Variants in ELF4 observed in about 807,000 individuals in gnomAD.
The protein encoded by ELF4 is ETS-related transcription factor Elf-4.
Under a neutral mutation model 31.7 loss-of-function variants are expected in ELF4, and 10 were observed. The observed-to-expected ratio is 0.32, with a 90% CI of 0.19 to 0.54. ELF4 has a LOEUF of 0.54. Ranked by LOEUF, ELF4 falls within the 20% of genes least tolerant of loss-of-function variation. ELF4 has a pLI of 0.95. For synonymous variants in ELF4, 208 were observed against 226.7 expected (o/e 0.92, Z 0.74); for missense variants, 418 against 522.0 (o/e 0.80, Z 1.94).
At position 130,067,129 on chromosome X, in the gene ELF4, A is replaced by G. The variant is rs750370606; in HGVS notation, c.1584T>C (p.Ser528=). 2.5e-6 allele frequency: 3 copies of G among 1,201,066 alleles called. No individual in the cohort carries two copies. The East Asian group carries it at 8.9e-5, about 36-fold the overall frequency. The change falls in exon 9 of 9, where the codon TCT becomes TCC. Residue 528 remains serine, a synonymous_variant. Transcript: ENST00000308167. ...GTVIAAFIRT[S]GTTAAPRVKE... ...TGACCCTAGGGGCTGCTGTAGTGCC[A>G]GAAGTCCTGATGAAGGCAGCAATGA...
intron 1 of ELF4, among the ~76,000 whole-genome samples, chrX:130,100,020 G>A (rs1055057520): frequency 1.8e-5 from 2 of 111,182 alleles, no homozygotes; most frequent in African/African-American, 3.3e-5. Flanking sequence ...GTCACCTGGT[G>A]GGGCCAACCA....
chrX:130,078,802 C>CACACAA, intron 2 of ELF4, among the ~76,000 whole-genome samples: 1 of 103,670 alleles, frequency 9.6e-6, no homozygotes, highest in East Asian at 3.2e-4. Context: ...CACACACACA[C>CACACAA]ACACAATTAG....
intron 1 of ELF4, among the ~76,000 whole-genome samples, chrX:130,090,507 C>A (rs1569407538): frequency 8.9e-6 from 1 of 112,140 alleles, no homozygotes; most frequent in East Asian, 2.8e-4. Flanking sequence ...GTCCCCCAGG[C>A]CTGACAGGCC....
rs911010607 is a variant in ELF4 at position 130,064,391 on chromosome X, T to A, written c.*2330A>T. Among the ~76,000 whole-genome samples, 1 of 111,805 alleles carries A rather than the reference T, an allele frequency of 8.9e-6. No individual in the cohort carries two copies. Among genetic ancestry groups the A allele is most frequent in the African/African-American group, 3.3e-5 (1 of 30,747 alleles). Reference sequence around the variant, plus strand: ...AGGCAGAGGTTGCAGTGAACCGAGATTGCACCACTGCACTCCAGCCGACAG... The same window carrying A: ...AGGCAGAGGTTGCAGTGAACCGAGAATGCACCACTGCACTCCAGCCGACAG... On this transcript the variant is annotated 3_prime_UTR_variant, in exon 9 of 9. Transcript: ENST00000308167.
At chrX:130,097,051 C>T (rs1015134715) in intron 1 of ELF4, among the ~76,000 whole-genome samples, 12 of 106,032 alleles carry the variant, frequency 1.1e-4, no homozygotes, top group African/African-American at 4.2e-4. Context: ...AATCCTAGCA[C>T]TTTGGGAGGC....
intron 2 of ELF4, among the ~76,000 whole-genome samples, chrX:130,079,806 G>C (rs751016062): frequency 8.9e-6 from 1 of 112,020 alleles, no homozygotes; most frequent in East Asian, 2.8e-4. Context: ...GAGTGGACTA[G>C]AAACAAATGG....
intron 1 of ELF4, among the ~76,000 whole-genome samples, chrX:130,091,283 T>C (rs934108568): frequency 2.7e-5 from 3 of 109,834 alleles, no homozygotes; most frequent in Non-Finnish European, 5.7e-5. Flanking sequence ...AAAAAATTAG[T>C]TGGGCATGGT....
chrX:130,093,527 G>A lies in ELF4; in HGVS notation c.-209-11988C>T, dbSNP rs956371731. ...CTGTTGCAAGGTGGGGTTCCTAGCC[G>A]TAGGGCTGTGTGCCTGTGAGGTTAT... On this transcript the variant is annotated intron_variant, in intron 1 of 8. Transcript: ENST00000308167. Among the ~76,000 whole-genome samples, 5 of 111,721 alleles carry A rather than the reference G, an allele frequency of 4.5e-5. No homozygotes were observed. In the East Asian group the frequency reaches 8.5e-4, roughly 19 times the overall value.
chrX:130,069,446 A>G lies in ELF4; in HGVS notation c.1041T>C (p.Ser347=). Residue 347 remains serine, a synonymous_variant, in exon 8 of 9, where the codon TCT becomes TCC. Transcript: ENST00000308167. ...RSAPQGKGSS[S]WEKPKIQHVG... is the part of the protein sequence containing the mutation. ...CATGCTGAATTTTTGGCTTCTCCCA[A>G]GAAGAGCTGCCCTTGCCCTGGGGGG... 1.6e-6 allele frequency: 2 copies of G among 1,212,253 alleles called. No individual in the cohort carries two copies. Among genetic ancestry groups the G allele is most frequent in the South Asian group, 1.8e-5 (1 of 57,057 alleles).
At chrX:130,079,628 A>C (rs1441260183) in intron 2 of ELF4, among the ~76,000 whole-genome samples, 2 of 109,772 alleles carry the variant, frequency 1.8e-5, no homozygotes, top group African/African-American at 6.7e-5. Context: ...CAAGAACAGG[A>C]GATGTTACAG....
intron 1 of ELF4, among the ~76,000 whole-genome samples, chrX:130,092,195 A>AGGCAGTGG (rs1390798229): frequency 8.8e-6 from 1 of 113,106 alleles, no homozygotes; most frequent in African/African-American, 3.2e-5. Context: ...CACAGCAGAC[A>AGGCAGTGG]GGCAGTGGAG....
At chrX:130,091,221 G>A (rs1933051733) in intron 1 of ELF4, among the ~76,000 whole-genome samples, 1 of 111,122 alleles carries the variant, frequency 9.0e-6, no homozygotes, top group Admixed American at 9.7e-5. Context: ...AAGGTCAGGA[G>A]TTTGAGACCA....
At chrX:130,097,190 C>A (rs1933165265) in intron 1 of ELF4, among the ~76,000 whole-genome samples, 1 of 103,745 alleles carries the variant, frequency 9.6e-6, no homozygotes, top group Admixed American at 1.0e-4. Context: ...GTAATCCCAA[C>A]ACTTTGGGAG....
chrX:130,091,209 C>A (rs764351566), intron 1 of ELF4, among the ~76,000 whole-genome samples: 4 of 111,147 alleles, frequency 3.6e-5, no homozygotes, highest in African/African-American at 1.3e-4. Flanking sequence ...GGTGGATTAC[C>A]TAAGGTCAGG....
intron 5 of ELF4, 22 bp from the exon 6 acceptor site, chrX:130,071,441 G>T (rs202174150): frequency 2.6e-4 from 317 of 1,201,316 alleles, no homozygotes; most frequent in Non-Finnish European, 3.5e-4. Flanking sequence ...AGGTGAGTAG[G>T]ATGAGGAGCA....
chrX:130,064,764 T>C lies in ELF4; in HGVS notation c.*1957A>G, dbSNP rs1451185650. The stretch of plus-strand genomic sequence containing the variant: ...GACATTTGATTTCACCATGAGGTCA[T>C]TGATGACCTTCCAGCAATGAGTTTC... On this transcript the variant is annotated 3_prime_UTR_variant, in exon 9 of 9. Transcript: ENST00000308167. The C allele has an allele frequency of 1.6e-5, 2 of 127,374 alleles. No individual in the cohort carries two copies. The highest frequency in any genetic ancestry group is 3.3e-5 in the African/African-American group (1 of 30,764). 10.5% of individuals were successfully genotyped at this position (127,374 alleles called of 1,213,427 possible). A position where few individuals can be genotyped will look rare whatever the true frequency, so the allele number is the denominator to read the frequency against.
intron 2 of ELF4, among the ~76,000 whole-genome samples, chrX:130,078,761 C>CCA (rs1932858109): frequency 1.4e-5 from 1 of 70,651 alleles, no homozygotes; most frequent in Non-Finnish European, 2.7e-5. Flanking sequence ...CTCTCTCTCT[C>CCA]TACACACACA....
At chrX:130,078,820 C>T (rs1453070675) in intron 2 of ELF4, among the ~76,000 whole-genome samples, 1 of 106,743 alleles carries the variant, frequency 9.4e-6, no homozygotes. Flanking sequence ...TAGCCAGGCG[C>T]AGTGGCATGT....
At chrX:130,090,312 G>A (rs1933036663) in intron 1 of ELF4, among the ~76,000 whole-genome samples, 1 of 109,500 alleles carries the variant, frequency 9.1e-6, no homozygotes, top group South Asian at 3.9e-4. Context: ...GATGGAGGTT[G>A]CAGTGAGCCA....
Sources: allele counts gnomAD v4.1 joint callset (sites outside exome capture counted in the v4.1 genomes callset), GRCh38; gene constraint gnomAD v4.1.1; transcripts MANE v1.5; gene names NCBI Gene and HGNC (gene_info 2026-07-23, HGNC 2026-07-21).